Variants in MYO9B observed in about 807,000 individuals in gnomAD.
The protein encoded by MYO9B is unconventional myosin-IXb.
MYO9B carries 71 observed loss-of-function variants against 229.5 expected under a neutral mutation model. That is an observed-to-expected ratio of 0.31 (90% CI 0.26 to 0.38). MYO9B has a LOEUF of 0.38. MYO9B is among the 10% of genes least tolerant of loss of function. The pLI is 1.00. For missense variants in MYO9B, 2,255 were observed against 2,920.5 expected (o/e 0.77, Z 5.25); for synonymous variants, 1,185 against 1,235.8 (o/e 0.96, Z 0.86).
At chr19:17,113,517 A>T (rs2057869115) in intron 2 of MYO9B, among the ~76,000 whole-genome samples, 1 of 152,176 alleles carries the variant, frequency 6.6e-6, no homozygotes, top group Admixed American at 6.5e-5. Context: ...ATGGTTATCC[A>T]CACAAACATC....
At chr19:17,163,354 T>A (rs1237421645) in intron 10 of MYO9B, among the ~76,000 whole-genome samples, 1 of 146,524 alleles carries the variant, frequency 6.8e-6, no homozygotes, top group Non-Finnish European at 1.5e-5. Flanking sequence ...TTGCAAGCCC[T>A]GAACTCACCC....
At chr19:17,123,530 T>C (rs954135867) in intron 2 of MYO9B, among the ~76,000 whole-genome samples, 18 of 151,736 alleles carry the variant, frequency 1.2e-4, no homozygotes, top group African/African-American at 3.6e-4. Context: ...AACCTCCACC[T>C]CCCTGGTTCA....
chr19:17,112,446 G>T (rs916147831), intron 2 of MYO9B, among the ~76,000 whole-genome samples: 54 of 152,192 alleles, frequency 3.5e-4, no homozygotes, highest in African/African-American at 1.3e-3. Context: ...CAGGGCGGAC[G>T]GGCCGGCTGG....
intron 3 of MYO9B, 86 bp downstream of exon 3, chr19:17,145,577 G>A: frequency 8.6e-7 from 1 of 1,156,196 alleles, no homozygotes; most frequent in Non-Finnish European, 1.3e-6. Flanking sequence ...GAGATGTGGA[G>A]ATCATGGCTG....
Position 17,200,403 on chromosome 19 carries a change from C to T in MYO9B, c.4349C>T (p.Thr1450Ile). ...AVSGHVVLEATTMKKGLEAPS... is the reference protein window; with the variant it reads ...AVSGHVVLEAITMKKGLEAPS... ...TCCGGGCACGTGGTGCTGGAAGCCA[C>T]CACCATGAAGAAGGGCCTGGAAGGT... Residue 1450 changes from threonine (T) to isoleucine (I), a missense_variant, in exon 25 of 40, where the codon ACC (threonine) becomes ATC (isoleucine). Transcript: ENST00000682292. 6.3e-7 allele frequency: 1 copy of T among 1,589,828 alleles called. No homozygotes were observed. The highest frequency in any genetic ancestry group is 8.6e-7 in the Non-Finnish European group (1 of 1,167,634).
At chr19:17,134,034 T>A (rs1009329115) in intron 2 of MYO9B, among the ~76,000 whole-genome samples, 2 of 152,210 alleles carry the variant, frequency 1.3e-5, no homozygotes, top group Admixed American at 6.6e-5. Flanking sequence ...GTGCTGGGAT[T>A]ACAGGCGTGA....
chr19:17,162,508 G>A (rs547939653), intron 9 of MYO9B, 42 bp downstream of exon 9: 118 of 1,497,650 alleles, frequency 7.9e-5, no homozygotes, highest in African/African-American at 1.4e-5. Flanking sequence ...GCCAGGGGAG[G>A]CCACATCCTC....
At chr19:17,202,737 G>A (rs2073121167) in intron 28 of MYO9B, 105 bp from the exon 29 acceptor site, 1 of 1,157,548 alleles carries the variant, frequency 8.6e-7, no homozygotes, top group Non-Finnish European at 1.2e-6. Flanking sequence ...CTCCAGGTGA[G>A]GGAGGGTTCA....
chr19:17,147,135 G>T (rs754813716), intron 3 of MYO9B, among the ~76,000 whole-genome samples: 2 of 152,316 alleles, frequency 1.3e-5, no homozygotes, highest in Non-Finnish European at 2.9e-5. Flanking sequence ...GCCCACATGG[G>T]TGTACCCGGT....
rs564732280 is a variant in MYO9B, at chr19:17,182,521, A to G, written c.2334-1308A>G. On this transcript the variant is annotated intron_variant, in intron 15 of 39. Transcript: ENST00000682292. ...CGGGTTCAAGTGATTCTCCTGCCTC[A>G]GCCTCCCAAGTAGCTGGGATTACAG... Among the ~76,000 whole-genome samples, 14 of 152,088 alleles carry G rather than the reference A, an allele frequency of 9.2e-5. No individual in the cohort carries two copies. The South Asian group carries it at 1.2e-3, about 14-fold the overall frequency.
chr19:17,181,922 C>T (rs2072865877), intron 15 of MYO9B, among the ~76,000 whole-genome samples: 1 of 151,924 alleles, frequency 6.6e-6, no homozygotes, highest in Admixed American at 6.6e-5. Flanking sequence ...ATTGCTAACA[C>T]CTGCCACTAC....
intron 6 of MYO9B, among the ~76,000 whole-genome samples, 188 bp downstream of exon 6, chr19:17,154,603 A>C (rs1440525790): frequency 6.6e-6 from 1 of 152,226 alleles, no homozygotes; most frequent in Non-Finnish European, 1.5e-5. Context: ...GACATTGGTC[A>C]TTAGGCGATG....
intron 1 of MYO9B, among the ~76,000 whole-genome samples, chr19:17,090,118 C>CTTTTTTTTTTTTTTTTTTTTTTTTTTT (rs59440394): frequency 2.0e-5 from 1 of 49,176 alleles, no homozygotes; most frequent in Non-Finnish European, 3.7e-5. Context: ...TGCTTCCTTC[C>CTTTTTTTTTTTTTTTTTTTTTTTTTTT]TTTTTTTTTT....
chr19:17,100,972 T>C lies in MYO9B; in HGVS notation c.-58-688T>C, dbSNP rs562022673. Among the ~76,000 whole-genome samples, 3 of 150,628 alleles carry C rather than the reference T, an allele frequency of 2.0e-5. No individual in the cohort carries two copies. The South Asian group carries it at 6.3e-4, about 32-fold the overall frequency. The stretch of plus-strand genomic sequence containing the variant: ...CCTGTGGGGCCGAGTCGTCTTCTGC[T>C]TGGGGAGCTGCTGGGGAGGTTTATT... On this transcript the variant is annotated intron_variant, in intron 1 of 39. Coordinates refer to ENST00000682292, the MANE Select transcript of MYO9B (RefSeq NM_004145.4).
At chr19:17,174,952 A>T (rs374426378) in intron 13 of MYO9B, among the ~76,000 whole-genome samples, 9,374 of 151,330 alleles carry the variant, frequency 0.062, 385 homozygotes, top group Non-Finnish European at 0.093. Flanking sequence ...AAATAAATAA[A>T]TAATAAATTA....
chr19:17,176,240 G>A (rs2072788232), intron 14 of MYO9B, among the ~76,000 whole-genome samples: 1 of 152,102 alleles, frequency 6.6e-6, no homozygotes, highest in African/African-American at 2.4e-5. Context: ...GTTTCACCGT[G>A]TTGGCCAGGA....
At chr19:17,200,089 T>G (rs1197510274) in intron 24 of MYO9B, among the ~76,000 whole-genome samples, 1 of 152,136 alleles carries the variant, frequency 6.6e-6, no homozygotes, top group Non-Finnish European at 1.5e-5. Context: ...GCCAGGCTGG[T>G]CTCAAACTCC....
At chr19:17,208,353 A>AAAAAAGCAACT (rs74332276) in intron 35 of MYO9B, among the ~76,000 whole-genome samples, 2,546 of 124,562 alleles carry the variant, frequency 0.02, 314 homozygotes, top group African/African-American at 0.073. Context: ...AAAAAAAAAA[A>AAAAAAGCAACT]ATCCAGATGG....
At chr19:17,179,603 G>A (rs1024909495) in intron 14 of MYO9B, among the ~76,000 whole-genome samples, 2 of 151,242 alleles carry the variant, frequency 1.3e-5, no homozygotes, top group African/African-American at 4.9e-5. Context: ...ATTTTTGTGT[G>A]TTTAGTAGAG....
Sources: allele counts gnomAD v4.1 joint callset (sites outside exome capture counted in the v4.1 genomes callset), GRCh38; gene constraint gnomAD v4.1.1; transcripts MANE v1.5; gene names NCBI Gene and HGNC (gene_info 2026-07-23, HGNC 2026-07-21).